The following PLEKHH2 variants were observed in gnomAD, a reference collection of about 807,000 sequenced individuals.
PLEKHH2 encodes the protein pleckstrin homology, MyTH4 and FERM domain containing H2.
PLEKHH2 carries 129 observed loss-of-function variants against 187.9 expected under a neutral mutation model. The ratio of observed to expected loss-of-function variants is 0.69; its 90% CI spans 0.59 to 0.79. The LOEUF is 0.79. Ranked by LOEUF, PLEKHH2 falls within the 30% of genes least tolerant of loss-of-function variation. The pLI is 0.00. For missense variants in PLEKHH2, 2,076 were observed against 1,751.2 expected (o/e 1.19, Z -3.31); for synonymous variants, 686 against 605.6 (o/e 1.13, Z -1.95).
chr2:43,750,949 G>A (rs1358289681), intron 24 of PLEKHH2, among the ~76,000 whole-genome samples: 1 of 152,202 alleles, frequency 6.6e-6, no homozygotes, highest in Non-Finnish European at 1.5e-5. Context: ...CAGGAAGAAT[G>A]TAGCACAGGA....
chr2:43,652,531 T>G (rs1360220137), intron 2 of PLEKHH2, among the ~76,000 whole-genome samples: 1 of 152,142 alleles, frequency 6.6e-6, no homozygotes, highest in African/African-American at 2.4e-5. Context: ...GCAGCCACCC[T>G]TTATTCTACA....
At chr2:43,645,658 A>C (rs375840335) in intron 2 of PLEKHH2, among the ~76,000 whole-genome samples, 79 of 152,274 alleles carry the variant, frequency 5.2e-4, no homozygotes, top group African/African-American at 1.9e-3. Flanking sequence ...TGTTGAAATG[A>C]TATTGTGGAT....
chr2:43,678,337 A>G (rs1198742578), intron 2 of PLEKHH2, among the ~76,000 whole-genome samples: 1 of 152,144 alleles, frequency 6.6e-6, no homozygotes, highest in African/African-American at 2.4e-5. Flanking sequence ...CAATCTCGGC[A>G]CTTTGGGCGG....
intron 15 of PLEKHH2, 132 bp from the exon 16 acceptor site, chr2:43,720,537 C>G: frequency 7.1e-7 from 1 of 1,411,710 alleles, no homozygotes; most frequent in Admixed American, 2.6e-5. Context: ...CAGCACTGGA[C>G]AATCTATTTG....
At chr2:43,763,277 C>T (rs1418363779) in intron 28 of PLEKHH2, among the ~76,000 whole-genome samples, 1 of 152,138 alleles carries the variant, frequency 6.6e-6, no homozygotes, top group Non-Finnish European at 1.5e-5. Context: ...AGGAGGTAGC[C>T]AGACAGGCCA....
At chr2:43,638,093 C>T (rs1201590948) in intron 1 of PLEKHH2, among the ~76,000 whole-genome samples, 1 of 152,160 alleles carries the variant, frequency 6.6e-6, no homozygotes, top group Non-Finnish European at 1.5e-5. Context: ...GCCCGCACAG[C>T]GGTGTGTCCC....
In PLEKHH2 at chr2:43,699,766, G is replaced by C; in HGVS notation, c.808G>C (p.Ala270Pro). The change falls in exon 8 of 30, where the codon GCC becomes CCC. Residue 270 changes from alanine to proline, a missense_variant. Physicochemically the swap from Ala to Pro is conservative, Grantham distance 27 (BLOSUM62 -1). Transcript: ENST00000282406. ...GAATCGGAAAACAAGAACAAGCTTT[G>C]CCACAGATGGTGGCATCTCCCAGAA... ...EQNRKTRTSF[A>P]TDGGISQNSG... 6.2e-7 allele frequency: 1 copy of C among 1,614,182 alleles called. No individual in the cohort carries two copies. Among genetic ancestry groups the C allele is most frequent in the Non-Finnish European group, 8.5e-7 (1 of 1,180,044 alleles).
At chr2:43,677,996 G>A (rs1422956405) in intron 2 of PLEKHH2, among the ~76,000 whole-genome samples, 1 of 151,800 alleles carries the variant, frequency 6.6e-6, no homozygotes, top group African/African-American at 2.4e-5. Context: ...TCTCAGACGG[G>A]GCGGTTGCCA....
chr2:43,686,292 G>T (rs1162460353), intron 3 of PLEKHH2, among the ~76,000 whole-genome samples: 1 of 152,122 alleles, frequency 6.6e-6, no homozygotes, highest in Non-Finnish European at 1.5e-5. Context: ...TGCCTCCCGG[G>T]TTCAAGCATT....
rs80050101 is a variant in PLEKHH2 at position 43,747,482 on chromosome 2, G to C, written c.3653+1519G>C. Reference sequence around the variant, plus strand: ...GTTCAAAGGCCTGTAGATGGAGGCTGCTTAGCTTGTGTCAAGAATTGAGAA... The same window carrying C: ...GTTCAAAGGCCTGTAGATGGAGGCTCCTTAGCTTGTGTCAAGAATTGAGAA... On this transcript the variant is annotated intron_variant, in intron 24 of 29. Transcript: ENST00000282406. Among the ~76,000 whole-genome samples the C allele has an allele frequency of 7.1e-3, 1,077 of 152,314 alleles. 12 individuals are homozygous for C. The highest frequency in any genetic ancestry group is 0.025 in the African/African-American group (1,029 of 41,564).
intron 2 of PLEKHH2, among the ~76,000 whole-genome samples, chr2:43,670,136 A>C (rs1360304223): frequency 8.6e-6 from 1 of 115,966 alleles, no homozygotes; most frequent in Non-Finnish European, 2.0e-5. Flanking sequence ...TTAGGTATTT[A>C]GGCAAAAACA....
chr2:43,724,661 G>A (rs1670649822), intron 16 of PLEKHH2, among the ~76,000 whole-genome samples: 1 of 152,140 alleles, frequency 6.6e-6, no homozygotes, highest in African/African-American at 2.4e-5. Context: ...TGGCATTTGG[G>A]ATGATAGTTC....
At chr2:43,639,114 C>G (rs774208925) in intron 1 of PLEKHH2, among the ~76,000 whole-genome samples, 4 of 152,196 alleles carry the variant, frequency 2.6e-5, no homozygotes, top group Non-Finnish European at 5.9e-5. Context: ...ACAGTTACCT[C>G]TCAATTTTTT....
intron 20 of PLEKHH2, among the ~76,000 whole-genome samples, chr2:43,739,183 G>A (rs181222527): frequency 6.6e-5 from 10 of 152,154 alleles, no homozygotes; most frequent in Admixed American, 2.6e-4. Flanking sequence ...GAGCCACCGC[G>A]CCCACCAGGA....
chr2:43,654,050 T>C (rs1666618916), intron 2 of PLEKHH2, among the ~76,000 whole-genome samples: 1 of 152,184 alleles, frequency 6.6e-6, no homozygotes, highest in African/African-American at 2.4e-5. Context: ...ATTAAGTGAG[T>C]GAATAAGAAA....
intron 8 of PLEKHH2, among the ~76,000 whole-genome samples, chr2:43,701,750 T>C (rs1218354812): frequency 6.7e-6 from 1 of 148,592 alleles, no homozygotes; most frequent in East Asian, 1.9e-4. Context: ...TAAAATGAAA[T>C]GATCTGTTTA....
chr2:43,710,749 T>C (rs1669925354), intron 14 of PLEKHH2, 174 bp downstream of exon 14: 2 of 1,391,976 alleles, frequency 1.4e-6, no homozygotes, highest in South Asian at 1.6e-5. Flanking sequence ...GTTAAAACTA[T>C]AATGTAAGTT....
At chr2:43,753,826 A>C (rs1191614559) in intron 25 of PLEKHH2, 66 bp downstream of exon 25, 1 of 1,260,442 alleles carries the variant, frequency 7.9e-7, no homozygotes, top group Non-Finnish European at 1.1e-6. Flanking sequence ...CACTGAATTA[A>C]ACGTAAAATA....
chr2:43,758,776 G>A (rs1396626518), intron 26 of PLEKHH2, 124 bp from the exon 27 acceptor site: 1 of 736,576 alleles, frequency 1.4e-6, no homozygotes, highest in Non-Finnish European at 2.0e-6. Flanking sequence ...CTTTACCTGG[G>A]TTATGCCTAG....
Sources: allele counts gnomAD v4.1 joint callset (sites outside exome capture counted in the v4.1 genomes callset), GRCh38; gene constraint gnomAD v4.1.1; transcripts MANE v1.5; gene names NCBI Gene and HGNC (gene_info 2026-07-23, HGNC 2026-07-21).